The following QRICH2 variants were observed in gnomAD, a reference collection of about 807,000 sequenced individuals.
The protein encoded by QRICH2 is glutamine-rich protein 2.
In QRICH2, 119 loss-of-function variants were observed where a neutral mutation model predicts 168.3. The ratio of observed to expected loss-of-function variants is 0.71; its 90% CI spans 0.61 to 0.82. The LOEUF (loss-of-function observed/expected upper bound fraction) is 0.82. Among genes scored for constraint, QRICH2 ranks in the 40% least tolerant of loss-of-function variants. The probability of loss-of-function intolerance (pLI) is 0.00; values close to 1 mark genes in which losing one functional copy is unlikely to be tolerated. For synonymous variants in QRICH2, 894 were observed against 951.2 expected (o/e 0.94, Z 1.11); for missense variants, 2,241 against 2,491.6 (o/e 0.90, Z 2.14).
In QRICH2 at chr17:76,281,705, GA is replaced by G. The variant is rs1250103160; in HGVS notation, c.4263+158del. Among the ~76,000 whole-genome samples the G allele has an allele frequency of 2.0e-5, 3 of 152,238 alleles. No homozygotes were observed. Among genetic ancestry groups the G allele is most frequent in the Non-Finnish European group, 4.4e-5 (3 of 68,044 alleles). ...TACCCTCGCTGTGGACCTGCAGAAA[GA>G]CCAGGGACTCTTGTGGGATCTGGCT... On this transcript the variant is annotated intron_variant, in intron 8 of 18. Transcript: ENST00000680821. This position sits in a 1 kb window ranked among gnomAD's most constrained non-coding sequence, Gnocchi z 4.4.
intron 3 of QRICH2, among the ~76,000 whole-genome samples, chr17:76,297,832 C>G (rs1170361009): frequency 6.6e-6 from 1 of 150,524 alleles, no homozygotes; most frequent in Non-Finnish European, 1.5e-5. Context: ...AATCTTCCCC[C>G]TTCAGCCTCC....
chr17:76,287,962 G>A, intron 5 of QRICH2, 65 bp from the exon 6 acceptor site: 1 of 1,295,400 alleles, frequency 7.7e-7, no homozygotes. Context: ...GTGTGCCCTT[G>A]CATGCAGCTC....
rs1234678745 is a variant in QRICH2 at position 76,289,982 on chromosome 17, T to G, written c.3798+10A>C. 2 of 1,576,008 alleles carry G rather than the reference T, an allele frequency of 1.3e-6. No homozygotes were observed. The highest frequency in any genetic ancestry group is 2.3e-5 in the South Asian group (2 of 88,822). ...AAAAAAAAAGACAAAGTGGGTTGAC[T>G]CTTCCTTACTTTTGCTTTCTCCTGC... On this transcript the variant is annotated intron_variant, in intron 5 of 18. Transcript: ENST00000680821.
intron 1 of QRICH2, among the ~76,000 whole-genome samples, chr17:76,306,168 C>CAAAAAA (rs368182885): frequency 1.5e-5 from 1 of 68,092 alleles, no homozygotes; most frequent in African/African-American, 4.2e-5. Context: ...GAATGTGTCT[C>CAAAAAA]AAAAAAAAAA....
Position 76,279,344 on chromosome 17 carries a change from C to A in QRICH2, c.4814+19G>T. 1 of 1,607,504 alleles carries A rather than the reference C, an allele frequency of 6.2e-7. No homozygotes were observed. The highest frequency in any genetic ancestry group is 8.5e-7 in the Non-Finnish European group (1 of 1,176,068). Reference sequence around the variant, plus strand: ...AGCCCTGCCATGCGAGGCCACGTGCCGGCGGTGTGGGCACTCACTGTCCAG... The same window carrying A: ...AGCCCTGCCATGCGAGGCCACGTGCAGGCGGTGTGGGCACTCACTGTCCAG... On this transcript the variant is annotated intron_variant, in intron 13 of 18. Coordinates refer to ENST00000680821, the MANE Select transcript of QRICH2 (RefSeq NM_001388453.1).
intron 6 of QRICH2, 77 bp downstream of exon 6, chr17:76,287,723 C>T (rs552103405): frequency 2.9e-6 from 3 of 1,030,178 alleles, no homozygotes; most frequent in African/African-American, 3.1e-5. Context: ...CATAAGGGAG[C>T]CACTGGCCGC....
rs1267692766 is a variant in QRICH2 at position 76,291,644 on chromosome 17, C to A, written c.3083G>T (p.Ser1028Ile). The part of the protein sequence containing the change: ...QYGQVSPLLA[S>I]QGLASPGIDR... ...TATACCAGGTGATGCCAAACCTTGA[C>A]TGGCTAGGAGTGGTGACACCTGGCC... Residue 1028 changes from serine to isoleucine, a missense_variant, in exon 4 of 19, where the codon AGT (serine) becomes ATT (isoleucine). By Grantham distance (142) the Ser-to-Ile change is moderately radical (BLOSUM62 -2). This residue lies in a region of QRICH2 where 2,047 missense variants were observed against 2,303.8 expected (regional missense o/e 0.89). Transcript: ENST00000680821. 3 of 1,614,058 alleles carry A rather than the reference C, an allele frequency of 1.9e-6. No homozygotes were observed. In the Admixed American group the frequency reaches 5.0e-5, roughly 27 times the overall value.
chr17:76,292,832 TG>T lies in QRICH2; in HGVS notation c.1894del (p.Gln632AsnfsTer9). 6.2e-7 allele frequency: 1 copy of T among 1,603,560 alleles called. No homozygotes were observed. The highest frequency in any genetic ancestry group is 8.5e-7 in the Non-Finnish European group (1 of 1,179,692). On this transcript the variant is annotated frameshift_variant, in exon 4 of 19. Transcript: ENST00000680821. LOFTEE classifies it high-confidence loss of function. The stretch of plus-strand genomic sequence containing the variant: ...CAAACCATGCTGATCTCTACCAGGT[TG>T]GGCCAAACCAGACTGATCCATTCCA... The part of the protein sequence containing the change: ...WPGMDQSGLA[Q>X]PGRDQHGLIQ...
intron 3 of QRICH2, 69 bp from the exon 4 acceptor site, chr17:76,294,090 A>G: frequency 6.6e-7 from 1 of 1,515,706 alleles, no homozygotes; most frequent in Non-Finnish European, 8.8e-7. Flanking sequence ...AAGAAAGGAA[A>G]TCTGGAAGTT....
At position 76,290,064 on chromosome 17, in the gene QRICH2, T is replaced by G. The variant is rs1598489390; in HGVS notation, c.3726A>C (p.Ile1242=). Residue 1242 remains isoleucine (I), a synonymous_variant, in exon 5 of 19, where the codon ATA becomes ATC. Coordinates refer to ENST00000680821, the MANE Select transcript of QRICH2 (RefSeq NM_001388453.1). Reference sequence around the variant, plus strand: ...TCAGCTGCTCCTGCAGTTCAGGAGGTATGGTCCTTTTGACTATGGAAAGCA... The same window carrying G: ...TCAGCTGCTCCTGCAGTTCAGGAGGGATGGTCCTTTTGACTATGGAAAGCA... ...FLLAQMVKRT[I]PPELQEQLKT... 1 of 1,611,836 alleles carries G rather than the reference T, an allele frequency of 6.2e-7. No individual in the cohort carries two copies.
Position 76,308,125 on chromosome 17 carries a change from G to T in QRICH2, c.-127C>A. On this transcript the variant is annotated 5_prime_UTR_variant, in exon 1 of 19. Coordinates refer to ENST00000680821, the MANE Select transcript of QRICH2 (RefSeq NM_001388453.1). Reference sequence around the variant, plus strand: ...TCGGGGCGCCCCTGCCCCGGGTCCGGCCGAGTCACTGGACAGAGCTCCTGC... The same window carrying T: ...TCGGGGCGCCCCTGCCCCGGGTCCGTCCGAGTCACTGGACAGAGCTCCTGC... The T allele has an allele frequency of 8.2e-7, 1 of 1,215,258 alleles. No homozygotes were observed. The highest frequency in any genetic ancestry group is 1.0e-6 in the Non-Finnish European group (1 of 980,924). 75.3% of individuals were successfully genotyped at this position (1,215,258 alleles called of 1,614,324 possible).
intron 1 of QRICH2, among the ~76,000 whole-genome samples, chr17:76,306,050 AT>A (rs1230883185): frequency 1.3e-5 from 2 of 151,276 alleles, no homozygotes; most frequent in Non-Finnish European, 2.9e-5. Context: ...TGCACCTATA[AT>A]CCTAGCTACT....
intron 16 of QRICH2, among the ~76,000 whole-genome samples, 163 bp downstream of exon 16, chr17:76,276,997 TTTC>T (rs1423404113): frequency 6.6e-6 from 1 of 152,180 alleles, no homozygotes; most frequent in African/African-American, 2.4e-5. Flanking sequence ...GGGGTGAATC[TTTC>T]TTCCCAGAAA....
At chr17:76,310,640 G>GT (rs1202079988), upstream of QRICH2, 1 of 150,406 alleles carries the variant, frequency 6.6e-6, no homozygotes, top group Non-Finnish European at 1.5e-5. Flanking sequence ...GCTAATTTTT[G>GT]TATTTTTTGT....
rs537522726 is a variant in QRICH2 at position 76,279,251 on chromosome 17, G to A, written c.4815-109C>T. On this transcript the variant is annotated intron_variant, in intron 13 of 18. Transcript: ENST00000680821. ...ACCCGCCCCCGGCCTGGAAGGGAGC[G>A]AGGGCTGGAAGCAGACACATGAAAG... 163 of 1,334,322 alleles carry A rather than the reference G, an allele frequency of 1.2e-4. 1 individual carries two copies. Among genetic ancestry groups the A allele is most frequent in the Non-Finnish European group, 4.0e-5 (38 of 951,328 alleles). The allele number at this position is 1,334,322 out of a possible 1,614,324, so 82.7% of individuals were successfully genotyped here.
chr17:76,286,258 A>G (rs1355697482), intron 7 of QRICH2, among the ~76,000 whole-genome samples: 1 of 152,266 alleles, frequency 6.6e-6, no homozygotes, highest in East Asian at 1.9e-4. Flanking sequence ...ATGTCTTTCA[A>G]CTGATGACTA....
Position 76,279,044 on chromosome 17 carries a change from C to A in QRICH2, c.4913G>T (p.Arg1638Leu). 2 of 1,612,872 alleles carry A rather than the reference C, an allele frequency of 1.2e-6. No individual in the cohort carries two copies. Among genetic ancestry groups the A allele is most frequent in the Non-Finnish European group, 1.7e-6 (2 of 1,179,298 alleles). ...CATATGCTGTCCCATAGCATACTTG[C>A]GGCTATGCTGCCGGACCTGCTCCAG... ...FELEQVRQHS[R>L]NLKLGSAFPR... Residue 1638 changes from arginine (R) to leucine (L), a missense_variant, in exon 14 of 19, where the codon CGC (arginine) becomes CTC (leucine). Coordinates refer to ENST00000680821, the MANE Select transcript of QRICH2 (RefSeq NM_001388453.1).
At position 76,277,969 on chromosome 17, in the gene QRICH2, C is replaced by G; in HGVS notation, c.5117+20G>C. 1.2e-6 allele frequency: 2 copies of G among 1,604,642 alleles called. No homozygotes were observed. Among genetic ancestry groups the G allele is most frequent in the Non-Finnish European group, 1.7e-6 (2 of 1,178,738 alleles). ...GTCACTGGGTGCCTGCTCCCATGGC[C>G]TCGCCCGCCTCTCCTGTACCGTTTG... On this transcript the variant is annotated intron_variant, in intron 15 of 18. Transcript: ENST00000680821.
At chr17:76,286,078 G>C (rs1320987407) in intron 7 of QRICH2, among the ~76,000 whole-genome samples, 1 of 152,150 alleles carries the variant, frequency 6.6e-6, no homozygotes, top group East Asian at 1.9e-4. Flanking sequence ...GGGAGGCTGA[G>C]GCAGGAGAAT....
Sources: gnomAD v4.1 joint callset for allele counts (sites outside exome capture counted in the v4.1 genomes callset) on GRCh38, gnomAD v4.1.1 for gene constraint, gnomAD v4.1.1 regional missense constraint, Gnocchi (gnomAD v3.1) non-coding constraint, MANE v1.5 for transcripts, NCBI Gene and HGNC (gene_info 2026-07-23, HGNC 2026-07-21) for gene names.